The following FRAS1 variants were observed in gnomAD, a reference collection of about 807,000 sequenced individuals.
The protein encoded by FRAS1 is extracellular matrix organizing protein FRAS1.
A neutral mutation model predicts 435.2 loss-of-function variants in FRAS1; 290 were observed. The ratio of observed to expected loss-of-function variants is 0.67; its 90% confidence interval spans 0.61 to 0.73. The LOEUF (loss-of-function observed/expected upper bound fraction) is 0.73, where lower values mean the gene tolerates loss of function less well. FRAS1 is among the 30% of genes least tolerant of loss of function. FRAS1 has a pLI of 0.00. For missense variants in FRAS1, 4,860 were observed against 5,001.5 expected, an observed-to-expected ratio of 0.97 and a Z score of 0.85; for synonymous variants, 1,800 against 1,851.0, an observed-to-expected ratio of 0.97 and a Z score of 0.71.
chr4:78,342,565 C>T (rs1012684933), intron 20 of FRAS1, among the ~76,000 whole-genome samples: 2 of 151,648 alleles, frequency 1.3e-5, no homozygotes, highest in Non-Finnish European at 2.9e-5. Context: ...TTTTTTTTTG[C>T]CCACATCTCA....
intron 67 of FRAS1, 124 bp from the exon 68 acceptor site, chr4:78,521,399 A>G: frequency 1.6e-6 from 1 of 627,694 alleles, no homozygotes; most frequent in Non-Finnish European, 2.8e-6. Context: ...TATAAATGTT[A>G]TCTTGTTACA....
intron 2 of FRAS1, among the ~76,000 whole-genome samples, chr4:78,111,482 C>G (rs1406596158): frequency 3.1e-5 from 1 of 31,766 alleles, no homozygotes; most frequent in Non-Finnish European, 6.2e-5. Context: ...AACCATCATT[C>G]TCAGTAAACT....
rs1254530620 is a variant in FRAS1, at chr4:78,256,238, A to G, written c.603+863A>G. Among the ~76,000 whole-genome samples, 4 of 152,390 alleles carry G rather than the reference A, an allele frequency of 2.6e-5. No homozygotes were observed. The East Asian group carries it at 5.8e-4, about 22-fold the overall frequency. On this transcript the variant is annotated intron_variant, in intron 6 of 73. Coordinates refer to ENST00000512123, the MANE Select transcript of FRAS1 (RefSeq NM_025074.7). ...TAAATGCCAAATAAAGGAGAAATGT[A>G]TCTAATTGAAAGACTAGATTGTATT...
At chr4:78,339,641 G>A (rs867420033) in intron 20 of FRAS1, among the ~76,000 whole-genome samples, 34 of 152,348 alleles carry the variant, frequency 2.2e-4, no homozygotes, top group African/African-American at 6.7e-4. Context: ...GGTATAGCAC[G>A]TGGGCCATTC....
intron 6 of FRAS1, among the ~76,000 whole-genome samples, chr4:78,259,887 A>C (rs1417561921): frequency 5.9e-5 from 9 of 152,108 alleles, no homozygotes; most frequent in Non-Finnish European, 1.3e-4. Flanking sequence ...TTTTTGTATA[A>C]GGTGTAAGGA....
intron 29 of FRAS1, among the ~76,000 whole-genome samples, chr4:78,389,184 G>C (rs774411682): frequency 6.6e-6 from 1 of 152,182 alleles, no homozygotes; most frequent in Non-Finnish European, 1.5e-5. Flanking sequence ...TGTTTCACTG[G>C]ATGCCCTTTA....
At chr4:78,068,337 C>A (rs1288895972) in intron 2 of FRAS1, among the ~76,000 whole-genome samples, 1 of 152,032 alleles carries the variant, frequency 6.6e-6, no homozygotes, top group Non-Finnish European at 1.5e-5. Context: ...GACATTTGAT[C>A]AAAGACATAC....
At position 78,301,376 on chromosome 4, in the gene FRAS1, TA is replaced by T. The variant is rs35333600; in HGVS notation, c.1535-6677del. Among the ~76,000 whole-genome samples, 1,181 of 140,032 alleles carry T rather than the reference TA, an allele frequency of 8.4e-3. 11 individuals are homozygous for T. Among genetic ancestry groups the T allele is most frequent in the African/African-American group, 0.023 (860 of 36,762 alleles). 91.9% of individuals were successfully genotyped at this position (140,032 alleles called of 152,430 possible). A position where few individuals can be genotyped will look rare whatever the true frequency, so the allele number is the denominator to read the frequency against. The stretch of plus-strand genomic sequence containing the variant: ...TAAAGTGAAGAGTGAGCTTGAAGAG[TA>T]AAAAAAAAAAAAGCAAATGCTGAAG... On this transcript the variant is annotated intron_variant, in intron 14 of 73. Transcript: ENST00000512123.
chr4:78,422,071 C>T lies in FRAS1; in HGVS notation c.4678+71C>T, dbSNP rs1733812227. 9 of 1,502,604 alleles carry T rather than the reference C, an allele frequency of 6.0e-6. No homozygotes were observed. The Admixed American group carries it at 1.2e-4, about 19-fold the overall frequency. The allele number at this position is 1,502,604 out of a possible 1,614,324, so 93.1% of individuals were successfully genotyped here. ...GCTCTACATGACAGGCTCGCCCTAA[C>T]TCTCCCTGCAGTCCTCTGGACCATT... On this transcript the variant is annotated intron_variant, in intron 34 of 73. Coordinates refer to ENST00000512123, the MANE Select transcript of FRAS1 (RefSeq NM_025074.7).
intron 58 of FRAS1, among the ~76,000 whole-genome samples, chr4:78,485,470 C>A (rs2109862432): frequency 6.6e-6 from 1 of 152,226 alleles, no homozygotes; most frequent in South Asian, 2.1e-4. Flanking sequence ...TTTTCTTTTT[C>A]TTTCAGAGAA....
chr4:78,070,287 T>A (rs1241361959), intron 2 of FRAS1, among the ~76,000 whole-genome samples: 1 of 152,008 alleles, frequency 6.6e-6, no homozygotes, highest in Non-Finnish European at 1.5e-5. Flanking sequence ...CTCCCCCCAC[T>A]TTGTATTGTG....
intron 51 of FRAS1, 32 bp downstream of exon 51, chr4:78,470,123 A>G (rs1560745856): frequency 1.4e-6 from 2 of 1,429,526 alleles, no homozygotes; most frequent in Non-Finnish European, 2.0e-6. Flanking sequence ...TGTTCACACC[A>G]CCCAACTTGG....
chr4:78,168,681 A>G (rs1721434556), intron 2 of FRAS1, among the ~76,000 whole-genome samples: 1 of 152,062 alleles, frequency 6.6e-6, no homozygotes. Flanking sequence ...CTGTTGTCCT[A>G]CTTTTCTCCC....
At chr4:78,363,221 A>G (rs1179139577) in intron 20 of FRAS1, among the ~76,000 whole-genome samples, 1 of 152,106 alleles carries the variant, frequency 6.6e-6, no homozygotes. Context: ...AGTTCTCTCT[A>G]TACTCCTAGC....
chr4:78,081,726 A>G (rs1003890369), intron 2 of FRAS1, among the ~76,000 whole-genome samples: 1 of 152,134 alleles, frequency 6.6e-6, no homozygotes, highest in South Asian at 2.1e-4. Context: ...GAAGGTAGAC[A>G]GTTAAGGAAG....
At chr4:78,122,246 AAT>A (rs762864587) in intron 2 of FRAS1, among the ~76,000 whole-genome samples, 1 of 152,036 alleles carries the variant, frequency 6.6e-6, no homozygotes, top group Non-Finnish European at 1.5e-5. Context: ...CTGATCTTGT[AAT>A]AGTTTGCTAA....
chr4:78,201,120 T>C (rs1207478287), intron 2 of FRAS1, among the ~76,000 whole-genome samples: 1 of 152,094 alleles, frequency 6.6e-6, no homozygotes, highest in Admixed American at 6.6e-5. Flanking sequence ...ACTGTGGCTT[T>C]TATTATTTGC....
At chr4:78,188,400 T>C (rs1159066606) in intron 2 of FRAS1, among the ~76,000 whole-genome samples, 1 of 152,238 alleles carries the variant, frequency 6.6e-6, no homozygotes, top group African/African-American at 2.4e-5. Flanking sequence ...CTGCAATTAC[T>C]TTTGCATCAA....
intron 2 of FRAS1, among the ~76,000 whole-genome samples, chr4:78,088,880 A>G (rs1741353655): frequency 6.6e-6 from 1 of 152,214 alleles, no homozygotes; most frequent in Admixed American, 6.5e-5. Context: ...GTGATTCTTC[A>G]GGGATCTTGA....
Sources: allele counts gnomAD v4.1 joint callset (sites outside exome capture counted in the v4.1 genomes callset), GRCh38; gene constraint gnomAD v4.1.1; transcripts MANE v1.5; gene names NCBI Gene and HGNC (gene_info 2026-07-23, HGNC 2026-07-21).